Variants in FOXP2 observed in about 807,000 individuals in gnomAD.
FOXP2 encodes forkhead box protein P2.
Under a neutral mutation model 115.8 loss-of-function variants are expected in FOXP2, and 12 were observed. The observed-to-expected ratio is 0.10, with a 90% CI of 0.07 to 0.17. FOXP2 has a LOEUF of 0.17. FOXP2 is among the 10% of genes least tolerant of loss of function. The pLI is 1.00. For missense variants in FOXP2, 629 were observed against 843.5 expected, an observed-to-expected ratio of 0.75 and a Z score of 3.15; for synonymous variants, 328 against 297.7, an observed-to-expected ratio of 1.10 and a Z score of -1.05.
Position 114,690,173 on chromosome 7 carries a change from T to C in FOXP2, c.*247T>C. On this transcript the variant is annotated 3_prime_UTR_variant, in exon 17 of 17. Coordinates refer to ENST00000350908, the MANE Select transcript of FOXP2 (RefSeq NM_014491.4). ...GAAAAAAAGACAAAAACTGATTTTC[T>C]TGAAAAAAAAAAATGAACTGTTCTT... The C allele has an allele frequency of 2.0e-6, 1 of 507,498 alleles. No individual in the cohort carries two copies. The highest frequency in any genetic ancestry group is 3.6e-6 in the Non-Finnish European group (1 of 277,154). The allele number at this position is 507,498 out of a possible 1,614,324, so 31.4% of individuals were successfully genotyped here.
In FOXP2 at chr7:114,654,003, C is replaced by T. The variant is rs764450842; in HGVS notation, c.1260C>T (p.Pro420=). 2.5e-6 allele frequency: 4 copies of T among 1,613,176 alleles called. No individual in the cohort carries two copies. The highest frequency in any genetic ancestry group is 1.7e-5 in the Admixed American group (1 of 59,952). Residue 420 remains proline (P), a synonymous_variant, in exon 10 of 17, where the codon CCC becomes CCT. Transcript: ENST00000350908. ...GACCCTCAGAGCCCAAACCATCTCC[C>T]AAACCTGTAAGTGCATATTGCTTTA... ...HMRPSEPKPS[P]KPLNLVSSVT...
intron 2 of FOXP2, among the ~76,000 whole-genome samples, chr7:114,452,368 A>G (rs1191476582): frequency 1.3e-5 from 2 of 152,066 alleles, no homozygotes; most frequent in Non-Finnish European, 2.9e-5. Context: ...AAAGTTGAAT[A>G]GAAGGACTTA....
At chr7:114,132,582 T>TGTGTGTGTGTGAGAGA (rs1554419465) in intron 1 of FOXP2, among the ~76,000 whole-genome samples, 3 of 55,996 alleles carry the variant, frequency 5.4e-5, no homozygotes, top group African/African-American at 2.4e-4. Flanking sequence ...TGTGTGTGTG[T>TGTGTGTGTGTGAGAGA]GAGAGAGAGA....
intron 3 of FOXP2, among the ~76,000 whole-genome samples, chr7:114,586,623 T>C (rs1050063092): frequency 6.6e-6 from 1 of 152,068 alleles, no homozygotes; most frequent in Non-Finnish European, 1.5e-5. Flanking sequence ...AATTTATTTT[T>C]AAAATAAATA....
In FOXP2 at chr7:114,402,620, A is replaced by AT. The variant is rs1404850998; in HGVS notation, c.-10-23865dup. ...CACCCCTGCAAAAACCATGCAAGCA[A>AT]TTTTTTTTTTTTTTTTTGAGACAGG... On this transcript the variant is annotated intron_variant, in intron 2 of 17. Coordinates refer to the FOXP2 transcript ENST00000634411. 9.0e-3 allele frequency among the ~76,000 whole-genome samples: 1,265 copies of AT among 140,232 alleles called. 5 individuals carry two copies. The highest frequency in any genetic ancestry group is 0.023 in the East Asian group (111 of 4,802). 92.0% of individuals were successfully genotyped at this position (140,232 alleles called of 152,430 possible).
intron 1 of FOXP2, among the ~76,000 whole-genome samples, chr7:114,230,517 A>G (rs1794848251): frequency 6.6e-6 from 1 of 152,038 alleles, no homozygotes; most frequent in Non-Finnish European, 1.5e-5. Context: ...TAAAAGAATC[A>G]TGTACCATGA....
intron 2 of FOXP2, among the ~76,000 whole-genome samples, chr7:114,481,962 AG>A (rs1398343840): frequency 2.6e-5 from 4 of 151,210 alleles, no homozygotes; most frequent in East Asian, 1.9e-4. Flanking sequence ...CTTTAAAAAG[AG>A]GGGGGCACTA....
intron 2 of FOXP2, among the ~76,000 whole-genome samples, chr7:114,328,965 G>A (rs1797628823): frequency 6.6e-6 from 1 of 152,186 alleles, no homozygotes. Flanking sequence ...AGAAGGAAGA[G>A]ACGAAGTTAT....
At chr7:114,331,742 A>G (rs1797721388) in intron 2 of FOXP2, among the ~76,000 whole-genome samples, 1 of 150,246 alleles carries the variant, frequency 6.7e-6, no homozygotes, top group Non-Finnish European at 1.5e-5. Flanking sequence ...ATCTTGGCTT[A>G]CTGCAGCTTC....
At chr7:114,598,417 G>A (rs1482788099) in intron 3 of FOXP2, among the ~76,000 whole-genome samples, 3 of 152,064 alleles carry the variant, frequency 2.0e-5, no homozygotes, top group African/African-American at 4.8e-5. Context: ...TTCTAAGAAT[G>A]GTGTTCCATC....
chr7:114,514,029 A>G (rs1371951585), intron 2 of FOXP2, among the ~76,000 whole-genome samples: 1 of 151,916 alleles, frequency 6.6e-6, no homozygotes, highest in African/African-American at 2.4e-5. Context: ...CATTGTACAT[A>G]TGTGTATATC....
chr7:114,259,348 A>G (rs1448432490), intron 1 of FOXP2, among the ~76,000 whole-genome samples: 1 of 152,212 alleles, frequency 6.6e-6, no homozygotes, highest in African/African-American at 2.4e-5. Flanking sequence ...TTATGGGCCA[A>G]TTATGTTCAG....
At chr7:114,181,804 G>A (rs572513617) in intron 1 of FOXP2, among the ~76,000 whole-genome samples, 1 of 152,134 alleles carries the variant, frequency 6.6e-6, no homozygotes, top group Admixed American at 6.5e-5. Flanking sequence ...TAAATGATAA[G>A]AAGTGACTTA....
rs1231418710 is a variant in FOXP2 at position 114,485,212 on chromosome 7, A to T, written c.169-49405A>T. Among the ~76,000 whole-genome samples, 8 of 152,058 alleles carry T rather than the reference A, an allele frequency of 5.3e-5. No homozygotes were observed. The East Asian group carries it at 1.5e-3, about 29-fold the overall frequency. On this transcript the variant is annotated intron_variant, in intron 2 of 16. Transcript: ENST00000350908. ...TTAATCTCAGGTTTTTCTGAAAATA[A>T]TGTTTTAGAAAATTTTTTTATTAAA...
chr7:114,453,949 T>G (rs894939749), intron 2 of FOXP2, among the ~76,000 whole-genome samples: 1 of 152,054 alleles, frequency 6.6e-6, no homozygotes, highest in South Asian at 2.1e-4. Flanking sequence ...ATTCAGGACA[T>G]AGGCATGGGC....
At position 114,679,830 on chromosome 7, in the gene FOXP2, A is replaced by G. The variant is rs76410123; in HGVS notation, c.2004-9952A>G. On this transcript the variant is annotated intron_variant, in intron 16 of 16. Transcript: ENST00000350908. The stretch of plus-strand genomic sequence containing the variant: ...TGTCAGAATTTATCTCCCCTTTTAT[A>G]ATACTTTACCTACTGTGGCATCGAT... 1.7e-4 allele frequency among the ~76,000 whole-genome samples: 26 copies of G among 152,268 alleles called. No individual in the cohort carries two copies. In the East Asian group the frequency reaches 4.3e-3, roughly 25 times the overall value.
At chr7:114,272,992 T>C (rs991913064) in intron 1 of FOXP2, among the ~76,000 whole-genome samples, 1 of 151,938 alleles carries the variant, frequency 6.6e-6, no homozygotes, top group Non-Finnish European at 1.5e-5. Context: ...TTGGATGTAA[T>C]TTGACATTCT....
At chr7:114,358,234 C>G (rs1024827782) in intron 2 of FOXP2, among the ~76,000 whole-genome samples, 3 of 152,120 alleles carry the variant, frequency 2.0e-5, no homozygotes, top group African/African-American at 7.2e-5. Flanking sequence ...GTCTTTGCTC[C>G]TCTTTTGCCT....
At chr7:114,390,512 T>TTTTATTTA (rs1191388413) in intron 2 of FOXP2, among the ~76,000 whole-genome samples, 108 of 40,308 alleles carry the variant, frequency 2.7e-3, no homozygotes, top group African/African-American at 6.9e-3. Context: ...CATACTTTTG[T>TTTTATTTA]TTTATTTATG....
Sources: gnomAD v4.1 joint callset for allele counts (sites outside exome capture counted in the v4.1 genomes callset) on GRCh38, gnomAD v4.1.1 for gene constraint, MANE v1.5 for transcripts, NCBI Gene and HGNC (gene_info 2026-07-23, HGNC 2026-07-21) for gene names.